The following CSMD1 variants were observed in gnomAD, a reference collection of about 807,000 sequenced individuals.
CSMD1 encodes CUB and sushi domain-containing protein 1.
CSMD1 carries 213 observed loss-of-function variants against 417.5 expected under a neutral mutation model. That is an observed-to-expected ratio of 0.51 (90% CI 0.46 to 0.57). The LOEUF is 0.57. CSMD1 is among the 20% of genes least tolerant of loss of function. The probability of loss-of-function intolerance (pLI) is 0.00; values close to 1 mark genes in which losing one functional copy is unlikely to be tolerated. For missense variants in CSMD1, 6,923 were observed against 4,529.7 expected (o/e 1.53, Z -15.17); for synonymous variants, 2,862 against 1,736.8 (o/e 1.65, Z -16.11).
At chr8:4,393,116 C>T (rs1803963148) in intron 3 of CSMD1, among the ~76,000 whole-genome samples, 1 of 152,084 alleles carries the variant, frequency 6.6e-6, no homozygotes, top group African/African-American at 2.4e-5. Flanking sequence ...GCTGGGATTA[C>T]AGGCGTGTGC....
At chr8:3,051,842 G>C (rs545780140) in intron 50 of CSMD1, among the ~76,000 whole-genome samples, 1 of 152,198 alleles carries the variant, frequency 6.6e-6, no homozygotes, top group African/African-American at 2.4e-5. Flanking sequence ...TTCTTCTGGT[G>C]GGTTTTGCAT....
chr8:3,894,429 GT>G (rs1563186078), intron 5 of CSMD1, among the ~76,000 whole-genome samples: 1 of 151,936 alleles, frequency 6.6e-6, no homozygotes, highest in Non-Finnish European at 1.5e-5. Flanking sequence ...ATAATTTTAC[GT>G]TTTTTCAAGT....
At chr8:2,960,102 C>T (rs1220841795) in intron 62 of CSMD1, among the ~76,000 whole-genome samples, 2 of 152,148 alleles carry the variant, frequency 1.3e-5, no homozygotes, top group Non-Finnish European at 2.9e-5. Context: ...CAATGGTGAT[C>T]AAAATTTTAT....
intron 7 of CSMD1, among the ~76,000 whole-genome samples, chr8:3,640,953 A>C (rs1797276218): frequency 6.6e-6 from 1 of 152,050 alleles, no homozygotes; most frequent in Non-Finnish European, 1.5e-5. Flanking sequence ...AAAGGCGACA[A>C]AATCGTATGT....
intron 5 of CSMD1, among the ~76,000 whole-genome samples, chr8:3,787,149 C>G (rs183309146): frequency 1.7e-3 from 255 of 152,164 alleles, no homozygotes; most frequent in Middle Eastern, 0.01. Context: ...ATATTCTGAA[C>G]ATGTAATCAG....
At chr8:3,888,861 C>G (rs1475360326) in intron 5 of CSMD1, among the ~76,000 whole-genome samples, 1 of 152,066 alleles carries the variant, frequency 6.6e-6, no homozygotes, top group East Asian at 1.9e-4. Context: ...TAAATGTATT[C>G]TATTTCTGTG....
intron 3 of CSMD1, among the ~76,000 whole-genome samples, chr8:4,056,380 G>A (rs1365288877): frequency 6.6e-6 from 1 of 150,944 alleles, no homozygotes; most frequent in Non-Finnish European, 1.5e-5. Flanking sequence ...ACCATGCCCA[G>A]CCATATTGGT....
chr8:4,354,260 G>T (rs976162930), intron 3 of CSMD1, among the ~76,000 whole-genome samples: 1 of 152,120 alleles, frequency 6.6e-6, no homozygotes, highest in African/African-American at 2.4e-5. Context: ...GTAGATCACG[G>T]TGTTATTTTA....
chr8:4,157,899 C>T (rs995884836), intron 3 of CSMD1, among the ~76,000 whole-genome samples: 15 of 152,170 alleles, frequency 9.9e-5, no homozygotes, highest in Non-Finnish European at 1.5e-5. Context: ...CAACAGGATG[C>T]TGAACTTGGG....
At chr8:4,355,295 A>G (rs962663184) in intron 3 of CSMD1, among the ~76,000 whole-genome samples, 3 of 149,194 alleles carry the variant, frequency 2.0e-5, no homozygotes, top group Non-Finnish European at 4.5e-5. Context: ...ACACAGGAAC[A>G]AACCACTTCA....
chr8:4,108,685 A>C (rs1801697250), intron 3 of CSMD1, among the ~76,000 whole-genome samples: 1 of 152,158 alleles, frequency 6.6e-6, no homozygotes, highest in Non-Finnish European at 1.5e-5. Flanking sequence ...CCCCTTTTAG[A>C]ACAGTTAAGC....
intron 3 of CSMD1, among the ~76,000 whole-genome samples, chr8:4,137,391 G>T (rs1485386728): frequency 1.3e-5 from 1 of 77,354 alleles, no homozygotes; most frequent in African/African-American, 3.0e-5. Context: ...GATTAATGAA[G>T]AACAGAAAAC....
intron 1 of CSMD1, among the ~76,000 whole-genome samples, chr8:4,657,239 T>C (rs1329042700): frequency 6.6e-6 from 1 of 152,148 alleles, no homozygotes; most frequent in Non-Finnish European, 1.5e-5. Flanking sequence ...GAGCAGTAGT[T>C]TCAGTGCAAA....
chr8:3,582,721 C>G (rs1049131907), intron 9 of CSMD1, among the ~76,000 whole-genome samples: 1 of 152,134 alleles, frequency 6.6e-6, no homozygotes, highest in African/African-American at 2.4e-5. Context: ...TAAAATATCT[C>G]ATTATCATAT....
chr8:3,876,356 T>C (rs1165127932), intron 5 of CSMD1, among the ~76,000 whole-genome samples: 2 of 152,202 alleles, frequency 1.3e-5, no homozygotes, highest in Non-Finnish European at 1.5e-5. Flanking sequence ...TTAGTTTTCA[T>C]GTATAGTGTT....
chr8:3,796,438 C>A (rs191011215), intron 5 of CSMD1, among the ~76,000 whole-genome samples: 12,785 of 75,418 alleles, frequency 0.17, 3,159 homozygotes, highest in Middle Eastern at 0.23. Context: ...ATATATATAT[C>A]TATCGTGTAT....
At chr8:3,114,416 A>G (rs992559610) in intron 42 of CSMD1, among the ~76,000 whole-genome samples, 12 of 150,346 alleles carry the variant, frequency 8.0e-5, no homozygotes, top group Admixed American at 6.0e-4. Flanking sequence ...CTTGGCATAA[A>G]TATGAATATA....
At chr8:3,802,232 T>C (rs1800494698) in intron 5 of CSMD1, among the ~76,000 whole-genome samples, 1 of 152,144 alleles carries the variant, frequency 6.6e-6, no homozygotes, top group African/African-American at 2.4e-5. Flanking sequence ...AAAATATACA[T>C]GATAGAGGCA....
intron 26 of CSMD1, among the ~76,000 whole-genome samples, chr8:3,252,053 T>G: frequency 6.6e-6 from 1 of 152,228 alleles, no homozygotes; most frequent in Non-Finnish European, 1.5e-5. Flanking sequence ...GAATACCTTT[T>G]ATTTCCTTCT....
Sources: gnomAD v4.1 joint callset for allele counts (sites outside exome capture counted in the v4.1 genomes callset) on GRCh38, gnomAD v4.1.1 for gene constraint, MANE v1.5 for transcripts, NCBI Gene and HGNC (gene_info 2026-07-23, HGNC 2026-07-21) for gene names.